Variants in MKNK1 observed in about 807,000 individuals in gnomAD.
The protein encoded by MKNK1 is MAP kinase-interacting serine/threonine-protein kinase 1.
In MKNK1, 30 loss-of-function variants were observed where a neutral mutation model predicts 49.3. The ratio of observed to expected loss-of-function variants is 0.61; its 90% CI spans 0.46 to 0.83. The LOEUF (loss-of-function observed/expected upper bound fraction) is 0.83. MKNK1 is among the 40% of genes least tolerant of loss of function. The pLI is 0.00. For synonymous variants in MKNK1, 176 were observed against 201.7 expected (o/e 0.87, Z 1.08); for missense variants, 423 against 524.7 (o/e 0.81, Z 1.89).
chr1:46,563,208 A>G (rs921079187), intron 9 of MKNK1, among the ~76,000 whole-genome samples: 8 of 152,184 alleles, frequency 5.3e-5, no homozygotes, highest in African/African-American at 1.4e-4. Context: ...CTGGAAGGAG[A>G]TCCAGTTCCA....
At chr1:46,575,511 C>CG in intron 5 of MKNK1, 1 of 155,870 alleles carries the variant, frequency 6.4e-6, no homozygotes, top group South Asian at 1.9e-4. Context: ...ACATGGGCAC[C>CG]GCTAGACCCT....
chr1:46,575,535 T>C (rs757347864), intron 5 of MKNK1: 95 of 152,900 alleles, frequency 6.2e-4, no homozygotes, highest in Non-Finnish European at 1.2e-3. Flanking sequence ...TGCTAAGCGC[T>C]GCTTAATGAA....
chr1:46,596,090 C>T (rs1279480483), intron 1 of MKNK1, among the ~76,000 whole-genome samples: 2 of 152,154 alleles, frequency 1.3e-5, no homozygotes, highest in Non-Finnish European at 2.9e-5. Flanking sequence ...AGGTTTAGAC[C>T]CCCACCTGGT....
intron 2 of MKNK1, among the ~76,000 whole-genome samples, chr1:46,593,172 T>TA (rs1449549090): frequency 2.7e-4 from 41 of 152,144 alleles, no homozygotes; most frequent in South Asian, 2.3e-3. Flanking sequence ...ATATATACGT[T>TA]AAAAAAAACC....
chr1:46,560,875 A>G (rs1667839131), intron 11 of MKNK1, among the ~76,000 whole-genome samples: 1 of 152,222 alleles, frequency 6.6e-6, no homozygotes, highest in Non-Finnish European at 1.5e-5. Context: ...GAGGCTGGCC[A>G]GAGCCTGGCA....
intron 4 of MKNK1, 31 bp from the exon 5 acceptor site, chr1:46,576,685 C>T (rs763252168): frequency 6.3e-7 from 1 of 1,585,472 alleles, no homozygotes; most frequent in East Asian, 2.2e-5. Flanking sequence ...GTCATGTACA[C>T]CCACCTGACT....
intron 5 of MKNK1, chr1:46,575,353 T>C (rs935181954): frequency 1.6e-4 from 32 of 205,738 alleles, no homozygotes; most frequent in African/African-American, 6.0e-4. Flanking sequence ...CTGGAAGCAA[T>C]TGCGGCTAAT....
In MKNK1 at chr1:46,562,720, A is replaced by G; in HGVS notation, c.733T>C (p.Tyr245His). ...GVVLYIMLSG[Y>H]PPFVGHCGAD... ...CCGCAGTGACCCACGAAGGGTGGGTAGCCACTCAGCATGATGTAGAGGACC... is the reference window on the plus strand; with the variant it reads ...CCGCAGTGACCCACGAAGGGTGGGTGGCCACTCAGCATGATGTAGAGGACC... Residue 245 changes from tyrosine (Y) to histidine (H), a missense_variant, in exon 10 of 13, where the codon TAC becomes CAC. Tyr to His is a moderately conservative substitution (Grantham distance 83). Transcript: ENST00000371945. 1 of 1,592,900 alleles carries G rather than the reference A, an allele frequency of 6.3e-7. No homozygotes were observed. Among genetic ancestry groups the G allele is most frequent in the Non-Finnish European group, 8.6e-7 (1 of 1,168,632 alleles).
chr1:46,602,721 T>C (rs530294922), intron 1 of MKNK1, among the ~76,000 whole-genome samples: 1 of 152,320 alleles, frequency 6.6e-6, no homozygotes, highest in African/African-American at 2.4e-5. Context: ...TTCTTCTTCT[T>C]CCAATGTGGC....
intron 2 of MKNK1, chr1:46,584,655 A>C (rs141688572): frequency 5.3e-5 from 8 of 152,192 alleles, no homozygotes; most frequent in Non-Finnish European, 1.0e-4. Flanking sequence ...ATGCAGGTCC[A>C]TACACTGTTC....
chr1:46,596,912 G>C (rs996269458), intron 1 of MKNK1, among the ~76,000 whole-genome samples: 25 of 152,210 alleles, frequency 1.6e-4, no homozygotes, highest in Admixed American at 5.2e-4. Context: ...GAGGTTTTCA[G>C]ATACATGTCA....
At chr1:46,603,186 G>T (rs1191838522) in intron 1 of MKNK1, among the ~76,000 whole-genome samples, 1 of 152,200 alleles carries the variant, frequency 6.6e-6, no homozygotes, top group African/African-American at 2.4e-5. Flanking sequence ...CTCTAATGAA[G>T]GGCTGAAGCT....
intron 11 of MKNK1, 75 bp downstream of exon 11, chr1:46,561,403 C>T (rs1667943655): frequency 1.3e-6 from 2 of 1,491,286 alleles, no homozygotes; most frequent in African/African-American, 2.8e-5. Context: ...TCAGCACTTG[C>T]TGGCATGACA....
At chr1:46,596,889 G>C (rs1049326437) in intron 1 of MKNK1, among the ~76,000 whole-genome samples, 25 of 152,210 alleles carry the variant, frequency 1.6e-4, no homozygotes, top group Admixed American at 5.2e-4. Flanking sequence ...TACAAAGGCA[G>C]AGAGAGAATG....
chr1:46,602,725 A>G (rs1300012644), intron 1 of MKNK1, among the ~76,000 whole-genome samples: 8 of 152,182 alleles, frequency 5.3e-5, no homozygotes, highest in Middle Eastern at 3.2e-3. Context: ...TCTTCTTCCA[A>G]TGTGGCCCAG....
At chr1:46,570,509 G>GT (rs777531473) in intron 7 of MKNK1, among the ~76,000 whole-genome samples, 15 of 152,344 alleles carry the variant, frequency 9.8e-5, no homozygotes, top group Non-Finnish European at 1.8e-4. Flanking sequence ...GAGGAGGGAG[G>GT]TGGGGTCAAT....
chr1:46,595,555 T>C (rs1259704471), intron 1 of MKNK1, among the ~76,000 whole-genome samples: 1 of 152,246 alleles, frequency 6.6e-6, no homozygotes, highest in African/African-American at 2.4e-5. Flanking sequence ...AAATGGGCTC[T>C]AGTGAATCTG....
At chr1:46,579,315 G>C (rs1671428308) in intron 4 of MKNK1, among the ~76,000 whole-genome samples, 1 of 152,184 alleles carries the variant, frequency 6.6e-6, no homozygotes, top group African/African-American at 2.4e-5. Context: ...TGACCTGGTG[G>C]CTCAGGTGGG....
At position 46,558,498 on chromosome 1, in the gene MKNK1, G is replaced by T; in HGVS notation, c.*77C>A. The T allele has an allele frequency of 2.1e-6, 3 of 1,406,218 alleles. No homozygotes were observed. The highest frequency in any genetic ancestry group is 5.0e-5 in the Admixed American group (2 of 39,624). The allele number at this position is 1,406,218 out of a possible 1,614,324, so 87.1% of individuals were successfully genotyped here. A position where few individuals can be genotyped will look rare whatever the true frequency, so the allele number is the denominator to read the frequency against. On this transcript the variant is annotated 3_prime_UTR_variant, in exon 13 of 13. Coordinates refer to ENST00000371945, the MANE Select transcript of MKNK1 (RefSeq NM_001135553.4). ...CAGAGCAGAGGCTGCTGCCTGCTCA[G>T]CAGACTTTAGCCACACAGGTTTCCA...
Sources: allele counts gnomAD v4.1 joint callset (sites outside exome capture counted in the v4.1 genomes callset), GRCh38; gene constraint gnomAD v4.1.1; transcripts MANE v1.5; gene names NCBI Gene and HGNC (gene_info 2026-07-23, HGNC 2026-07-21).